The following STAT4 variants were observed in gnomAD, a reference collection of about 807,000 sequenced individuals.
The protein encoded by STAT4 is signal transducer and activator of transcription 4.
A neutral mutation model predicts 110.5 loss-of-function variants in STAT4; 42 were observed. That is an observed-to-expected ratio of 0.38 (90% CI 0.30 to 0.49). The LOEUF (loss-of-function observed/expected upper bound fraction) is 0.49, where lower values mean the gene tolerates loss of function less well. Ranked by LOEUF, STAT4 falls within the 20% of genes least tolerant of loss-of-function variation. STAT4 has a pLI of 0.95. For missense variants in STAT4, 632 were observed against 887.9 expected, an observed-to-expected ratio of 0.71 and a Z score of 3.66; for synonymous variants, 284 against 302.2, an observed-to-expected ratio of 0.94 and a Z score of 0.63.
At chr2:191,141,779 C>G (rs1045753283) in intron 3 of STAT4, among the ~76,000 whole-genome samples, 1 of 151,842 alleles carries the variant, frequency 6.6e-6, no homozygotes, top group Non-Finnish European at 1.5e-5. Flanking sequence ...TACAGGCGTG[C>G]ATCATCACAT....
rs1696363874 is a variant in STAT4 at position 191,046,671 on chromosome 2, T to C, written c.1252-5523A>G. On this transcript the variant is annotated intron_variant, in intron 14 of 23. Transcript: ENST00000392320. This position sits in a 1 kb window ranked among gnomAD's most constrained non-coding sequence, Gnocchi z 4.6. ...ACTTTCGGAGTGAGGTGCTATGATA[T>C]TGTGATATAATAAGAAATCTATATT... Among the ~76,000 whole-genome samples, 1 of 152,156 alleles carries C rather than the reference T, an allele frequency of 6.6e-6. No individual in the cohort carries two copies. The highest frequency in any genetic ancestry group is 2.1e-4 in the South Asian group (1 of 4,830).
chr2:191,141,699 C>A (rs186989225), intron 3 of STAT4, among the ~76,000 whole-genome samples: 1,848 of 151,468 alleles, frequency 0.012, 23 homozygotes, highest in Non-Finnish European at 0.02. Context: ...GGCACTATCT[C>A]GGCTCACTGC....
At chr2:191,034,409 C>G (rs975657908) in intron 18 of STAT4, 139 bp downstream of exon 18, 17 of 616,814 alleles carry the variant, frequency 2.8e-5, no homozygotes, top group African/African-American at 2.7e-4. Context: ...GGTGACAGAG[C>G]AAGACTCTAT....
At position 191,140,256 on chromosome 2, in the gene STAT4, T is replaced by C. The variant is rs981534617; in HGVS notation, c.273+6357A>G. ...CAAAGATAAATAGATGGGACCTAAT[T>C]AACTAAAAAGCTTCTGCACAGCAAA... On this transcript the variant is annotated intron_variant, in intron 3 of 23. Coordinates refer to ENST00000392320, the MANE Select transcript of STAT4 (RefSeq NM_003151.4). The surrounding 1 kb of genome is among the most constrained non-coding windows in gnomAD (Gnocchi z 4.4). Among the ~76,000 whole-genome samples, 1 of 151,970 alleles carries C rather than the reference T, an allele frequency of 6.6e-6. No individual in the cohort carries two copies. Among genetic ancestry groups the C allele is most frequent in the Non-Finnish European group, 1.5e-5 (1 of 67,970 alleles).
chr2:191,105,592 A>G (rs1279459908), intron 3 of STAT4, among the ~76,000 whole-genome samples: 1 of 152,202 alleles, frequency 6.6e-6, no homozygotes, highest in Non-Finnish European at 1.5e-5. Flanking sequence ...GCATAAGTAG[A>G]AAAATAAAAA....
chr2:191,122,859 T>C (rs752763457), intron 3 of STAT4, among the ~76,000 whole-genome samples: 6 of 152,188 alleles, frequency 3.9e-5, no homozygotes, highest in Non-Finnish European at 8.8e-5. Flanking sequence ...TGGTGTTGAC[T>C]AGGAAAAGCA....
chr2:191,144,120 T>C lies in STAT4; in HGVS notation c.273+2493A>G, dbSNP rs141026492. Among the ~76,000 whole-genome samples, 731 of 152,136 alleles carry C rather than the reference T, an allele frequency of 4.8e-3. 1 individual carries two copies. The highest frequency in any genetic ancestry group is 0.016 in the African/African-American group (678 of 41,472). On this transcript the variant is annotated intron_variant, in intron 3 of 23. Transcript: ENST00000392320. The surrounding 1 kb of genome is among the most constrained non-coding windows in gnomAD (Gnocchi z 4.7). Reference sequence around the variant, plus strand: ...ATTCCTAGTGTGCACTAGAACCATATTGAGTACTGAGGGTGAGGGAGGGGG... The same window carrying C: ...ATTCCTAGTGTGCACTAGAACCATACTGAGTACTGAGGGTGAGGGAGGGGG...
chr2:191,062,642 T>C lies in STAT4; in HGVS notation c.941+120A>G. On this transcript the variant is annotated intron_variant, in intron 9 of 23. Coordinates refer to ENST00000392320, the MANE Select transcript of STAT4 (RefSeq NM_003151.4). The surrounding 1 kb of genome is among the most constrained non-coding windows in gnomAD (Gnocchi z 4.9). The stretch of plus-strand genomic sequence containing the variant: ...TAAAACTTTCTGGGGTTCTATTCAC[T>C]TCTCCCTGAGGCTCGTTGTTGAATA... 1 of 1,093,638 alleles carries C rather than the reference T, an allele frequency of 9.1e-7. No homozygotes were observed. 67.7% of individuals were successfully genotyped at this position (1,093,638 alleles called of 1,614,324 possible).
At position 191,146,800 on chromosome 2, in the gene STAT4, TA is replaced by T; in HGVS notation, c.129-44del. 7.0e-7 allele frequency: 1 copy of T among 1,436,988 alleles called. No homozygotes were observed. Among genetic ancestry groups the T allele is most frequent in the Non-Finnish European group, 9.2e-7 (1 of 1,089,124 alleles). The allele number at this position is 1,436,988 out of a possible 1,614,324, so 89.0% of individuals were successfully genotyped here. On this transcript the variant is annotated intron_variant, in intron 2 of 23. Coordinates refer to ENST00000392320, the MANE Select transcript of STAT4 (RefSeq NM_003151.4). This position sits in a 1 kb window ranked among gnomAD's most constrained non-coding sequence, Gnocchi z 4.5. Reference sequence around the variant, plus strand: ...TATTACACAACAGAAAACAACTTTGTAAAATGTCTACTTTTTTACCATACTA... The same window carrying T: ...TATTACACAACAGAAAACAACTTTGTAAATGTCTACTTTTTTACCATACTA...
intron 14 of STAT4, 42 bp from the exon 15 acceptor site, chr2:191,041,190 C>T (rs1287661539): frequency 1.7e-6 from 2 of 1,181,946 alleles, no homozygotes; most frequent in African/African-American, 3.2e-5. Flanking sequence ...CAAATGCATA[C>T]TCACTATCTA....
In STAT4 at chr2:191,108,336, A is replaced by C. The variant is rs144938188; in HGVS notation, c.274-32011T>G. Among the ~76,000 whole-genome samples, 956 of 152,276 alleles carry C rather than the reference A, an allele frequency of 6.3e-3. 27 individuals carry two copies. The highest frequency in any genetic ancestry group is 0.013 in the East Asian group (68 of 5,188). ...ATCATTGTTTACCTTACAGAGAAGTAACAGAAAATAAGAGAACTTAGTGAG... is the reference window on the plus strand; with the variant it reads ...ATCATTGTTTACCTTACAGAGAAGTCACAGAAAATAAGAGAACTTAGTGAG... On this transcript the variant is annotated intron_variant, in intron 3 of 23. Coordinates refer to ENST00000392320, the MANE Select transcript of STAT4 (RefSeq NM_003151.4).
Position 191,099,081 on chromosome 2 carries a change from T to C in STAT4, c.274-22756A>G, listed in dbSNP as rs939501701. On this transcript the variant is annotated intron_variant, in intron 3 of 23. Coordinates refer to ENST00000392320, the MANE Select transcript of STAT4 (RefSeq NM_003151.4). The surrounding 1 kb of genome is among the most constrained non-coding windows in gnomAD (Gnocchi z 4.1). ...AATGGGAAATTCACAAAAGAATACATCCAAATGACCAATAAATGTGGGAAA... is the reference window on the plus strand; with the variant it reads ...AATGGGAAATTCACAAAAGAATACACCCAAATGACCAATAAATGTGGGAAA... Among the ~76,000 whole-genome samples the C allele has an allele frequency of 6.6e-6, 1 of 151,660 alleles. No homozygotes were observed. Among genetic ancestry groups the C allele is most frequent in the East Asian group, 1.9e-4 (1 of 5,192 alleles).
chr2:191,138,379 G>A lies in STAT4; in HGVS notation c.273+8234C>T, dbSNP rs978861533. Among the ~76,000 whole-genome samples, 1 of 152,072 alleles carries A rather than the reference G, an allele frequency of 6.6e-6. No individual in the cohort carries two copies. Among genetic ancestry groups the A allele is most frequent in the Non-Finnish European group, 1.5e-5 (1 of 68,006 alleles). ...TTAGTGAGATTAACCAAAAAAAGAA[G>A]AGAGAAGATCCAAATAAGATTTCAT... On this transcript the variant is annotated intron_variant, in intron 3 of 23. Coordinates refer to ENST00000392320, the MANE Select transcript of STAT4 (RefSeq NM_003151.4). The surrounding 1 kb of genome is among the most constrained non-coding windows in gnomAD (Gnocchi z 4.3).
At position 191,066,498 on chromosome 2, in the gene STAT4, T is replaced by C; in HGVS notation, c.562A>G (p.Ser188Gly). Reference sequence around the variant, plus strand: ...AAAACTTCCTGATTCACCATGGCACTATTCTTGTCACTCTGATCTGCAAAG... The same window carrying C: ...AAAACTTCCTGATTCACCATGGCACCATTCTTGTCACTCTGATCTGCAAAG... Reference protein sequence around the residue: ...IQTMDQSDKNSAMVNQEVLTL... With the variant: ...IQTMDQSDKNGAMVNQEVLTL... The change falls in exon 7 of 24, where the codon AGT becomes GGT. Residue 188 changes from serine to glycine, a missense_variant. Physicochemically the swap from Ser to Gly is moderately conservative, Grantham distance 56. Around this residue, in one of 4 missense-constraint regions of STAT4, gnomAD observed 488 missense variants for 632.8 expected, o/e 0.77. Transcript: ENST00000392320. The surrounding 1 kb of genome is among the most constrained non-coding windows in gnomAD (Gnocchi z 4.3). The C allele has an allele frequency of 6.2e-7, 1 of 1,613,424 alleles. No homozygotes were observed. Among genetic ancestry groups the C allele is most frequent in the South Asian group, 1.1e-5 (1 of 91,080 alleles).
chr2:191,086,557 ATGT>A lies in STAT4; in HGVS notation c.274-10235_274-10233del, dbSNP rs1697641441. Among the ~76,000 whole-genome samples, 1 of 152,180 alleles carries A rather than the reference ATGT, an allele frequency of 6.6e-6. No individual in the cohort carries two copies. Among genetic ancestry groups the A allele is most frequent in the South Asian group, 2.1e-4 (1 of 4,828 alleles). On this transcript the variant is annotated intron_variant, in intron 3 of 23. Transcript: ENST00000392320. The surrounding 1 kb of genome is among the most constrained non-coding windows in gnomAD (Gnocchi z 5.5). ...GTGCAAATAAATTACTCCTGCTATG[ATGT>A]TGTCTTTAGTAAAATTGGGGGATTG... is the stretch of plus-strand genomic sequence containing the variant.
In STAT4 at chr2:191,061,700, A is replaced by T; in HGVS notation, c.1034+29T>A. 6.3e-7 allele frequency: 1 copy of T among 1,598,192 alleles called. No homozygotes were observed. The highest frequency in any genetic ancestry group is 8.6e-7 in the Non-Finnish European group (1 of 1,165,552). On this transcript the variant is annotated intron_variant, in intron 10 of 23. Transcript: ENST00000392320. This position sits in a 1 kb window ranked among gnomAD's most constrained non-coding sequence, Gnocchi z 6.2. ...CCAGAGACTATAGCTCCACAAACAC[A>T]CGAAATAGTAGAAAATGTTTTTGCC...
Position 191,062,672 on chromosome 2 carries a change from C to T in STAT4, c.941+90G>A. The T allele has an allele frequency of 2.8e-6, 4 of 1,436,048 alleles. No individual in the cohort carries two copies. Among genetic ancestry groups the T allele is most frequent in the Admixed American group, 4.0e-5 (2 of 50,594 alleles). 89.0% of individuals were successfully genotyped at this position (1,436,048 alleles called of 1,614,324 possible). A position where few individuals can be genotyped will look rare whatever the true frequency, so the allele number is the denominator to read the frequency against. ...CCTGAGGCTCGTTGTTGAATACTTC[C>T]CTGCCACTCTTCCACCTAAACACCA... is the stretch of plus-strand genomic sequence containing the variant. On this transcript the variant is annotated intron_variant, in intron 9 of 23. Coordinates refer to ENST00000392320, the MANE Select transcript of STAT4 (RefSeq NM_003151.4). This position sits in a 1 kb window ranked among gnomAD's most constrained non-coding sequence, Gnocchi z 4.9.
At chr2:191,054,167 T>C (rs1696609076) in intron 14 of STAT4, among the ~76,000 whole-genome samples, 1 of 131,672 alleles carries the variant, frequency 7.6e-6, no homozygotes, top group African/African-American at 3.0e-5. Context: ...GATACATTGC[T>C]ATGTGAAAAA....
chr2:191,040,147 T>C (rs865871261), intron 15 of STAT4, among the ~76,000 whole-genome samples: 1 of 152,256 alleles, frequency 6.6e-6, no homozygotes, highest in Non-Finnish European at 1.5e-5. Flanking sequence ...TGTTCATTCA[T>C]GCACTGATTC....
Sources: gnomAD v4.1 joint callset for allele counts (sites outside exome capture counted in the v4.1 genomes callset) on GRCh38, gnomAD v4.1.1 for gene constraint, gnomAD v4.1.1 regional missense constraint, Gnocchi (gnomAD v3.1) non-coding constraint, MANE v1.5 for transcripts, NCBI Gene and HGNC (gene_info 2026-07-23, HGNC 2026-07-21) for gene names.